The following FGGY variants were observed in gnomAD, a reference collection of about 807,000 sequenced individuals.
The protein encoded by FGGY is FGGY carbohydrate kinase domain-containing protein.
A neutral mutation model predicts 71.3 loss-of-function variants in FGGY; 72 were observed. The observed-to-expected ratio is 1.01, with a 90% confidence interval of 0.84 to 1.23. The LOEUF (loss-of-function observed/expected upper bound fraction) is 1.23, where lower values mean the gene tolerates loss of function less well. FGGY is among the 50% of genes most tolerant of loss of function. The pLI is 0.00. For missense variants in FGGY, 668 were observed against 682.3 expected (o/e 0.98, Z 0.23); for synonymous variants, 251 against 250.3 (o/e 1.00, Z -0.02).
At chr1:59,498,405 C>T (rs148242924) in intron 6 of FGGY, among the ~76,000 whole-genome samples, 37 of 152,236 alleles carry the variant, frequency 2.4e-4, no homozygotes, top group African/African-American at 6.0e-4. Flanking sequence ...CTTATGTCTC[C>T]GGATTACCTG....
chr1:59,530,276 G>C (rs996813571), intron 7 of FGGY, among the ~76,000 whole-genome samples: 1 of 152,144 alleles, frequency 6.6e-6, no homozygotes, highest in Non-Finnish European at 1.5e-5. Flanking sequence ...TGCTAACTTA[G>C]AATTATAGAT....
chr1:59,587,727 G>A (rs989511227), intron 8 of FGGY, among the ~76,000 whole-genome samples: 2 of 152,212 alleles, frequency 1.3e-5, no homozygotes, highest in Admixed American at 6.5e-5. Context: ...CAGACCTGCA[G>A]CTGAGGGTCC....
At position 59,762,669 on chromosome 1, in the gene FGGY, G is replaced by A; in HGVS notation, c.*85G>A. 2 of 977,278 alleles carry A rather than the reference G, an allele frequency of 2.0e-6. No individual in the cohort carries two copies. The highest frequency in any genetic ancestry group is 3.1e-6 in the Non-Finnish European group (2 of 636,622). The allele number at this position is 977,278 out of a possible 1,614,324, so 60.5% of individuals were successfully genotyped here. The stretch of plus-strand genomic sequence containing the variant: ...TTTGATCCATGTTCAAGACCCTTGA[G>A]GTATTGTTTCATCATTTCTGTATTG... On this transcript the variant is annotated 3_prime_UTR_variant, in exon 16 of 16. Transcript: ENST00000303721.
intron 8 of FGGY, among the ~76,000 whole-genome samples, chr1:59,594,900 A>G (rs1259117982): frequency 1.3e-5 from 2 of 152,152 alleles, no homozygotes; most frequent in Non-Finnish European, 2.9e-5. Flanking sequence ...GATCTCCAGA[A>G]ATGGGGTTTG....
chr1:59,509,114 A>G (rs541310210), intron 6 of FGGY, among the ~76,000 whole-genome samples: 1 of 152,298 alleles, frequency 6.6e-6, no homozygotes, highest in East Asian at 1.9e-4. Flanking sequence ...AGGCCCTGGA[A>G]CATCTGGCAG....
At chr1:59,298,145 A>G (rs2042242270) in intron 1 of FGGY, among the ~76,000 whole-genome samples, 1 of 151,970 alleles carries the variant, frequency 6.6e-6, no homozygotes, top group Non-Finnish European at 1.5e-5. Flanking sequence ...CACCACGTGT[A>G]TGTCCTGATT....
chr1:59,657,558 G>GGGAT (rs2097231851), intron 11 of FGGY, among the ~76,000 whole-genome samples: 3 of 152,098 alleles, frequency 2.0e-5, no homozygotes, highest in African/African-American at 7.2e-5. Context: ...GTTCAGCTCA[G>GGGAT]GGATGTTCAG....
intron 7 of FGGY, among the ~76,000 whole-genome samples, chr1:59,550,744 G>A (rs1306926479): frequency 6.6e-6 from 1 of 152,072 alleles, no homozygotes; most frequent in Non-Finnish European, 1.5e-5. Context: ...GTTTCATGGT[G>A]AACTAGCACT....
chr1:59,437,516 T>G (rs2068739856), intron 5 of FGGY, among the ~76,000 whole-genome samples: 1 of 152,142 alleles, frequency 6.6e-6, no homozygotes. Flanking sequence ...GAAAATGTAT[T>G]TGCCTTGATC....
intron 9 of FGGY, among the ~76,000 whole-genome samples, chr1:59,622,059 T>C (rs998785678): frequency 2.6e-5 from 4 of 151,968 alleles, no homozygotes; most frequent in Non-Finnish European, 5.9e-5. Context: ...TAAGTCTCAT[T>C]CTCACGAGGA....
intron 6 of FGGY, among the ~76,000 whole-genome samples, chr1:59,478,232 T>C (rs2093342887): frequency 6.6e-6 from 1 of 152,234 alleles, no homozygotes; most frequent in Non-Finnish European, 1.5e-5. Flanking sequence ...TTAGTTGTTC[T>C]GAGTAATTAC....
intron 14 of FGGY, among the ~76,000 whole-genome samples, chr1:59,706,920 T>C (rs902305113): frequency 1.3e-5 from 2 of 152,228 alleles, no homozygotes; most frequent in African/African-American, 4.8e-5. Flanking sequence ...CTGTATCTCC[T>C]GTCCATTTAA....
intron 5 of FGGY, among the ~76,000 whole-genome samples, chr1:59,402,868 A>G (rs569300355): frequency 6.6e-6 from 1 of 152,238 alleles, no homozygotes; most frequent in East Asian, 1.9e-4. Flanking sequence ...TTCTTAGTAG[A>G]GCTCTGGAGT....
At chr1:59,618,545 C>T (rs188430531) in intron 9 of FGGY, among the ~76,000 whole-genome samples, 5 of 152,150 alleles carry the variant, frequency 3.3e-5, no homozygotes, top group African/African-American at 7.2e-5. Context: ...AACTGTTGTC[C>T]GTTAACATGA....
chr1:59,651,934 T>G (rs138132892), intron 11 of FGGY, among the ~76,000 whole-genome samples: 11,195 of 151,950 alleles, frequency 0.074, 1,123 homozygotes, highest in African/African-American at 0.23. Context: ...AGGAGCTCTT[T>G]TAGGGCAGGC....
At position 59,579,498 on chromosome 1, in the gene FGGY, G is replaced by A. The variant is rs562723402; in HGVS notation, c.903+25271G>A. Among the ~76,000 whole-genome samples, 336 of 152,218 alleles carry A rather than the reference G, an allele frequency of 2.2e-3. 4 individuals carry two copies. The highest frequency in any genetic ancestry group is 6.8e-3 in the Middle Eastern group (2 of 294). ...AAGCCTAATTCCTCTCAGCCCCCAG[G>A]AAATCTCCTCTCACTGTCTTTCCTA... is the stretch of plus-strand genomic sequence containing the variant. On this transcript the variant is annotated intron_variant, in intron 8 of 15. Transcript: ENST00000303721.
chr1:59,570,934 G>A (rs908033950), intron 8 of FGGY, among the ~76,000 whole-genome samples: 5 of 152,132 alleles, frequency 3.3e-5, no homozygotes, highest in Non-Finnish European at 7.4e-5. Context: ...GCATTTGAAA[G>A]CGTTAATTGG....
chr1:59,488,105 C>T (rs1301205796), intron 6 of FGGY, among the ~76,000 whole-genome samples: 1 of 152,094 alleles, frequency 6.6e-6, no homozygotes, highest in South Asian at 2.1e-4. Flanking sequence ...ATTGCATATT[C>T]ATATTTTCAT....
At chr1:59,603,499 A>G (rs984078582) in intron 8 of FGGY, among the ~76,000 whole-genome samples, 11 of 152,206 alleles carry the variant, frequency 7.2e-5, no homozygotes, top group African/African-American at 2.7e-4. Context: ...GGTGTTTAAC[A>G]TATAATAAAC....
Sources: gnomAD v4.1 joint callset for allele counts (sites outside exome capture counted in the v4.1 genomes callset) on GRCh38, gnomAD v4.1.1 for gene constraint, MANE v1.5 for transcripts, NCBI Gene and HGNC (gene_info 2026-07-23, HGNC 2026-07-21) for gene names.